The following ZNF331 variants were observed in gnomAD, a reference collection of about 807,000 sequenced individuals.
ZNF331 encodes the protein zinc finger protein 331.
ZNF331 carries 2 observed loss-of-function variants against 7.0 expected under a neutral mutation model. The ratio of observed to expected loss-of-function variants is 0.29; its 90% confidence interval spans 0.12 to 0.90. ZNF331 has a LOEUF of 0.90. Ranked by LOEUF, ZNF331 falls within the 40% of genes least tolerant of loss-of-function variation. The probability of loss-of-function intolerance (pLI) is 0.58; values close to 1 mark genes in which losing one functional copy is unlikely to be tolerated. For missense variants in ZNF331, 432 were observed against 587.7 expected (o/e 0.74, Z 2.74); for synonymous variants, 196 against 205.4 (o/e 0.95, Z 0.39).
Position 53,576,825 on chromosome 19 carries a change from C to T in ZNF331, c.265C>T (p.Leu89Phe). 1 of 1,614,122 alleles carries T rather than the reference C, an allele frequency of 6.2e-7. No homozygotes were observed. Among genetic ancestry groups the T allele is most frequent in the Non-Finnish European group, 8.5e-7 (1 of 1,180,034 alleles). ...LGRNWICEGT[L>F]ERPQRSRGRY... ...CCGTAACTGGATATGTGAAGGTACGCTTGAAAGACCACAGCGCTCCAGAGG... is the reference window on the plus strand; with the variant it reads ...CCGTAACTGGATATGTGAAGGTACGTTTGAAAGACCACAGCGCTCCAGAGG... The change falls in exon 6 of 6, where the codon CTT becomes TTT. Residue 89 changes from leucine to phenylalanine, a missense_variant. This residue lies in a region of ZNF331 where 81 missense variants were observed against 70.3 expected (regional missense o/e 1.15). Transcript: ENST00000449416.
the ZNF331 span, among the ~76,000 whole-genome samples, chr19:53,504,807 C>T: frequency 6.6e-6 from 1 of 152,102 alleles, no homozygotes; most frequent in South Asian, 2.1e-4. Context: ...ACAGATGTGA[C>T]TTTGTGTAAG....
At chr19:53,568,849 CTTTT>C (rs537822108) in intron 3 of ZNF331, among the ~76,000 whole-genome samples, 1,387 of 77,130 alleles carry the variant, frequency 0.018, 19 homozygotes, top group African/African-American at 0.071. Flanking sequence ...CCATGATACT[CTTTT>C]TTTTTTTTTT....
the ZNF331 span, among the ~76,000 whole-genome samples, chr19:53,513,651 C>G: frequency 1.7e-5 from 2 of 118,830 alleles, no homozygotes; most frequent in African/African-American, 5.9e-5. Context: ...TACTTTTTTT[C>G]GTTGTTGTTG....
At chr19:53,561,334 C>CAA (rs59551370) in intron 3 of ZNF331, among the ~76,000 whole-genome samples, 8 of 104,874 alleles carry the variant, frequency 7.6e-5, no homozygotes, top group African/African-American at 1.1e-4. Flanking sequence ...GCCTGCTGGC[C>CAA]AAAAAAAAAA....
chr19:53,551,101 G>C (rs926338530), intron 2 of ZNF331, among the ~76,000 whole-genome samples: 17 of 152,066 alleles, frequency 1.1e-4, no homozygotes, highest in Admixed American at 4.6e-4. Context: ...AAAGTGCTGG[G>C]ATTACAGGCT....
chr19:53,558,106 C>T lies in ZNF331; in HGVS notation c.-74+2198C>T, dbSNP rs1352289748. 1.3e-5 allele frequency among the ~76,000 whole-genome samples: 2 copies of T among 152,100 alleles called. No individual in the cohort carries two copies. The highest frequency in any genetic ancestry group is 2.9e-5 in the Non-Finnish European group (2 of 68,006). On this transcript the variant is annotated intron_variant, in intron 3 of 5. Transcript: ENST00000449416. This position sits in a 1 kb window ranked among gnomAD's most constrained non-coding sequence, Gnocchi z 4.5. ...CCACAGGTTGTGAGCAAGACTGTCC[C>T]ACTCTGCCCCACTAGCCACAAGACC...
chr19:53,513,952 G>T, the ZNF331 span, among the ~76,000 whole-genome samples: 3 of 152,162 alleles, frequency 2.0e-5, no homozygotes, highest in East Asian at 5.8e-4. Context: ...TATCATATTT[G>T]CTTTTGAGTT....
the ZNF331 span, among the ~76,000 whole-genome samples, chr19:53,507,933 C>CA: frequency 7.9e-5 from 12 of 151,834 alleles, no homozygotes; most frequent in African/African-American, 2.4e-4. Context: ...ATGGAGGTTA[C>CA]AAAAAAAATC....
chr19:53,506,654 G>T, the ZNF331 span, among the ~76,000 whole-genome samples: 1 of 152,080 alleles, frequency 6.6e-6, no homozygotes, highest in Admixed American at 6.5e-5. Context: ...ACAAAAACAA[G>T]AAACAAACTC....
the ZNF331 span, among the ~76,000 whole-genome samples, chr19:53,506,581 C>T: frequency 1.1e-4 from 17 of 151,744 alleles, no homozygotes; most frequent in Admixed American, 3.9e-4. Flanking sequence ...GTCCCTTACC[C>T]ATGCCATTGT....
rs753074456 is a variant in ZNF331 at position 53,577,567 on chromosome 19, T to C, written c.1007T>C (p.Phe336Ser). ...GAATGTAAGGAGTGTGGGAAGGCCT[T>C]TCGCTGGGGTTCGAGCCTCGTTAAG... ...PHECKECGKA[F>S]RWGSSLVKHE... The change falls in exon 6 of 6, where the codon TTT becomes TCT. Residue 336 changes from phenylalanine (F) to serine (S), a missense_variant. Coordinates refer to ENST00000449416, the MANE Select transcript of ZNF331 (RefSeq NM_001079906.2). 2 of 1,610,404 alleles carry C rather than the reference T, an allele frequency of 1.2e-6. No homozygotes were observed. Among genetic ancestry groups the C allele is most frequent in the Admixed American group, 1.7e-5 (1 of 59,660 alleles).
chr19:53,506,474 CT>C, the ZNF331 span, among the ~76,000 whole-genome samples: 1 of 143,648 alleles, frequency 7.0e-6, no homozygotes, highest in Non-Finnish European at 1.5e-5. Context: ...CTCTCTCTCT[CT>C]CTCTCTGTCT....
At chr19:53,549,764 T>C (rs1259758118) in intron 2 of ZNF331, among the ~76,000 whole-genome samples, 2 of 152,280 alleles carry the variant, frequency 1.3e-5, no homozygotes, top group South Asian at 4.1e-4. Flanking sequence ...TATTTATTTT[T>C]TGCTCTAATC....
chr19:53,538,144 C>G (rs1487554214), upstream of ZNF331: 1 of 152,186 alleles, frequency 6.6e-6, no homozygotes, highest in Non-Finnish European at 1.5e-5. Context: ...GAGTGTGTGA[C>G]GCACTTGCGT....
rs759302091 is a variant in ZNF331, at chr19:53,560,146, CATATATACACAT to C, written c.-74+4239_-74+4250del. On this transcript the variant is annotated intron_variant, in intron 3 of 5. Transcript: ENST00000449416. The surrounding 1 kb of genome is among the most constrained non-coding windows in gnomAD (Gnocchi z 4.3). ...TATACACACACCATATATATACACACATATATACACATCCACACCATATATACACACACCATA... is the reference window on the plus strand; with the variant it reads ...TATACACACACCATATATATACACACCCACACCATATATACACACACCATA... Among the ~76,000 whole-genome samples, 1 of 120,822 alleles carries C rather than the reference CATATATACACAT, an allele frequency of 8.3e-6. No individual in the cohort carries two copies. The highest frequency in any genetic ancestry group is 1.7e-5 in the Non-Finnish European group (1 of 58,806). 79.3% of individuals were successfully genotyped at this position (120,822 alleles called of 152,430 possible).
Position 53,577,359 on chromosome 19 carries a change from G to T in ZNF331, c.799G>T (p.Gly267Trp). ...KLIQHKRIHS[G>W]EKPYECKDCG... ...TATTCAGCACAAGAGAATTCATAGT[G>T]GGGAGAAGCCTTACGAGTGTAAAGA... Residue 267 changes from glycine (G) to tryptophan (W), a missense_variant, in exon 6 of 6, where the codon GGG (glycine) becomes TGG (tryptophan). Gly to Trp is a radical substitution (Grantham distance 184). Coordinates refer to ENST00000449416, the MANE Select transcript of ZNF331 (RefSeq NM_001079906.2). The T allele has an allele frequency of 6.2e-7, 1 of 1,613,640 alleles. No homozygotes were observed. Among genetic ancestry groups the T allele is most frequent in the Non-Finnish European group, 8.5e-7 (1 of 1,179,894 alleles).
At chr19:53,552,253 C>T (rs899092380) in intron 2 of ZNF331, among the ~76,000 whole-genome samples, 1 of 152,110 alleles carries the variant, frequency 6.6e-6, no homozygotes, top group East Asian at 1.9e-4. Context: ...TCTCTCTGTT[C>T]CCCTACTCGC....
chr19:53,537,667 G>C (rs1280694233), upstream of ZNF331: 1 of 152,318 alleles, frequency 6.6e-6, no homozygotes, highest in Non-Finnish European at 1.5e-5. Flanking sequence ...GCTGGAACAC[G>C]GGGCTTGGGG....
At position 53,577,551 on chromosome 19, in the gene ZNF331, G is replaced by C. The variant is rs1282206268; in HGVS notation, c.991G>C (p.Glu331Gln). 1 of 1,612,922 alleles carries C rather than the reference G, an allele frequency of 6.2e-7. No individual in the cohort carries two copies. Among genetic ancestry groups the C allele is most frequent in the Admixed American group, 1.7e-5 (1 of 59,990 alleles). ...CGGTGAGAAGCCTCACGAATGTAAG[G>C]AGTGTGGGAAGGCCTTTCGCTGGGG... ...HTGEKPHECKECGKAFRWGSS... is the reference protein window; with the variant it reads ...HTGEKPHECKQCGKAFRWGSS... The change falls in exon 6 of 6, where the codon GAG becomes CAG. Residue 331 changes from glutamate to glutamine, a missense_variant. Around this residue, in one of 3 missense-constraint regions of ZNF331, gnomAD observed 312 missense variants for 448.6 expected, o/e 0.70. Transcript: ENST00000449416.
Sources: gnomAD v4.1 joint callset for allele counts (sites outside exome capture counted in the v4.1 genomes callset) on GRCh38, gnomAD v4.1.1 for gene constraint, gnomAD v4.1.1 regional missense constraint, Gnocchi (gnomAD v3.1) non-coding constraint, MANE v1.5 for transcripts, NCBI Gene and HGNC (gene_info 2026-07-23, HGNC 2026-07-21) for gene names.